Variants in ADAMTSL2 observed in about 807,000 individuals in gnomAD.
The protein encoded by ADAMTSL2 is ADAMTS-like protein 2.
In ADAMTSL2, 55 loss-of-function variants were observed where a neutral mutation model predicts 117.0. That is an observed-to-expected ratio of 0.47 (90% confidence interval 0.38 to 0.59). The LOEUF (loss-of-function observed/expected upper bound fraction) is 0.59, where lower values mean the gene tolerates loss of function less well. Ranked by LOEUF, ADAMTSL2 falls within the 20% of genes least tolerant of loss-of-function variation. The probability of loss-of-function intolerance (pLI) is 0.00; values close to 1 mark genes in which losing one functional copy is unlikely to be tolerated. For missense variants in ADAMTSL2, 1,182 were observed against 1,354.5 expected (o/e 0.87, Z 2.00); for synonymous variants, 572 against 566.4 (o/e 1.01, Z -0.14).
Position 133,574,811 on chromosome 9 carries a change from C to T in ADAMTSL2, c.2803C>T (p.His935Tyr). The stretch of plus-strand genomic sequence containing the variant: ...GGCCATCAAAGTGAACCTCTGCGGG[C>T]ACTGGTACTACAGCAAGGCGTGCTG... ...ALAIKVNLCGHWYYSKACCRS... is the reference protein window; with the variant it reads ...ALAIKVNLCGYWYYSKACCRS... The change falls in exon 19 of 19, where the codon CAC becomes TAC. Residue 935 changes from histidine (H) to tyrosine (Y), a missense_variant. His to Tyr is a moderately conservative substitution (Grantham distance 83). Around this residue, in one of 3 missense-constraint regions of ADAMTSL2, gnomAD observed 465 missense variants for 565.3 expected, o/e 0.82. Transcript: ENST00000651351. 6.2e-7 allele frequency: 1 copy of T among 1,613,708 alleles called. No individual in the cohort carries two copies. The highest frequency in any genetic ancestry group is 1.1e-5 in the South Asian group (1 of 91,088).
intron 10 of ADAMTSL2, among the ~76,000 whole-genome samples, chr9:133,555,044 C>A (rs1830573912): frequency 1.3e-5 from 2 of 152,018 alleles, no homozygotes; most frequent in Non-Finnish European, 2.9e-5. Context: ...TCAACGAGCA[C>A]CTGGTCTCAC....
Position 133,570,519 on chromosome 9 carries a change from G to A in ADAMTSL2, c.2592+12G>A. The A allele has an allele frequency of 1.9e-6, 3 of 1,608,398 alleles. No individual in the cohort carries two copies. The highest frequency in any genetic ancestry group is 1.7e-6 in the Non-Finnish European group (2 of 1,178,080). ...GCCCCTGGTCAGAGGTGAGCTCCCA[G>A]CCGGCCCCTCTGAGGTTGCCTGAGG... On this transcript the variant is annotated intron_variant, in intron 17 of 18. Coordinates refer to ENST00000651351, the MANE Select transcript of ADAMTSL2 (RefSeq NM_014694.4).
chr9:133,567,747 C>T (rs1474428753), intron 13 of ADAMTSL2, among the ~76,000 whole-genome samples: 25 of 152,332 alleles, frequency 1.6e-4, no homozygotes, highest in African/African-American at 4.3e-4. Context: ...AAGGCTGGCC[C>T]GGGGGTGGGG....
chr9:133,559,056 A>G (rs1190133141), intron 11 of ADAMTSL2, among the ~76,000 whole-genome samples: 1 of 152,088 alleles, frequency 6.6e-6, no homozygotes, highest in East Asian at 1.9e-4. Context: ...TTAGATAAAG[A>G]TGGCGGAGCG....
intron 12 of ADAMTSL2, among the ~76,000 whole-genome samples, chr9:133,563,832 A>AGG (rs1830811514): frequency 1.1e-5 from 1 of 88,964 alleles, no homozygotes; most frequent in Non-Finnish European, 2.4e-5. Flanking sequence ...AGAGAGAGAG[A>AGG]GAGAGAGAGA....
At chr9:133,569,207 G>A (rs1831047538) in intron 15 of ADAMTSL2, among the ~76,000 whole-genome samples, 1 of 152,144 alleles carries the variant, frequency 6.6e-6, no homozygotes, top group Non-Finnish European at 1.5e-5. Context: ...CTTTTTAAGT[G>A]TGCTTTTCTC....
chr9:133,553,978 A>C (rs1472996037), intron 9 of ADAMTSL2, among the ~76,000 whole-genome samples: 1 of 152,150 alleles, frequency 6.6e-6, no homozygotes, highest in Non-Finnish European at 1.5e-5. Context: ...ATTACTTAGA[A>C]TTTCTGGCAC....
At chr9:133,565,575 GGGAGA>G (rs1209323667) in intron 12 of ADAMTSL2, among the ~76,000 whole-genome samples, 1 of 152,214 alleles carries the variant, frequency 6.6e-6, no homozygotes, top group African/African-American at 2.4e-5. Context: ...CAGCTCTGGC[GGGAGA>G]GGAACCGTGA....
chr9:133,568,551 G>A (rs1831030638), intron 14 of ADAMTSL2, 52 bp from the exon 15 acceptor site: 1 of 1,559,802 alleles, frequency 6.4e-7, no homozygotes, highest in African/African-American at 1.4e-5. Flanking sequence ...GGGAGATGGA[G>A]GTGGCTACAC....
At chr9:133,560,240 G>A (rs1289314022) in intron 11 of ADAMTSL2, among the ~76,000 whole-genome samples, 1 of 152,218 alleles carries the variant, frequency 6.6e-6, no homozygotes, top group Non-Finnish European at 1.5e-5. Flanking sequence ...GCCCCTCTGG[G>A]CCCAGAGGAA....
chr9:133,567,112 G>A (rs1241311111), intron 13 of ADAMTSL2, 50 bp downstream of exon 13: 9 of 1,571,086 alleles, frequency 5.7e-6, no homozygotes, highest in Non-Finnish European at 7.7e-6. Context: ...GGGCGTGAGG[G>A]GCTCTGCCCA....
Position 133,534,797 on chromosome 9 carries a change from G to A in ADAMTSL2, c.-271G>A. The A allele has an allele frequency of 1.3e-6, 2 of 1,484,952 alleles. No homozygotes were observed. Among genetic ancestry groups the A allele is most frequent in the Non-Finnish European group, 1.8e-6 (2 of 1,112,406 alleles). The allele number at this position is 1,484,952 out of a possible 1,614,324, so 92.0% of individuals were successfully genotyped here. ...CGGGGGAGGAGGGGAAGGGGAGAGG[G>A]AGGCCGGGCCGCAGCCTCTGCACTC... On this transcript the variant is annotated 5_prime_UTR_variant, in exon 1 of 19. Coordinates refer to ENST00000651351, the MANE Select transcript of ADAMTSL2 (RefSeq NM_014694.4).
In ADAMTSL2 at chr9:133,542,735, A is replaced by G. The variant is rs911972244; in HGVS notation, c.682+1734A>G. The stretch of plus-strand genomic sequence containing the variant: ...AACGGGGCCTGAACCCAGGCAGCCT[A>G]CTCTTGGCCTGTGATCCTCCCAGCT... On this transcript the variant is annotated intron_variant, in intron 7 of 18. Transcript: ENST00000651351. Among the ~76,000 whole-genome samples the G allele has an allele frequency of 5.3e-5, 8 of 151,862 alleles. No individual in the cohort carries two copies. In the East Asian group the frequency reaches 9.7e-4, roughly 18 times the overall value.
chr9:133,561,371 C>A, intron 12 of ADAMTSL2, 76 bp downstream of exon 12: 2 of 1,364,106 alleles, frequency 1.5e-6, no homozygotes, highest in South Asian at 1.2e-5. Flanking sequence ...GCTGTGGGGC[C>A]CACCCACTAG....
intron 12 of ADAMTSL2, among the ~76,000 whole-genome samples, chr9:133,563,170 G>A (rs1482863459): frequency 2.0e-5 from 3 of 152,258 alleles, no homozygotes; most frequent in Non-Finnish European, 4.4e-5. Context: ...ACAAGGAATA[G>A]CCTCTCATGG....
At chr9:133,551,981 C>T (rs543257193) in intron 9 of ADAMTSL2, among the ~76,000 whole-genome samples, 10 of 152,156 alleles carry the variant, frequency 6.6e-5, no homozygotes, top group African/African-American at 1.9e-4. Flanking sequence ...AGGCGCCCAC[C>T]ACCACACCCA....
At chr9:133,564,810 A>G (rs948960258) in intron 12 of ADAMTSL2, among the ~76,000 whole-genome samples, 1 of 151,922 alleles carries the variant, frequency 6.6e-6, no homozygotes, top group African/African-American at 2.4e-5. Flanking sequence ...GGCAGAAATA[A>G]CAGAGTCAGG....
Position 133,538,335 on chromosome 9 carries a change from C to T in ADAMTSL2, c.234-14C>T. 2 of 1,613,408 alleles carry T rather than the reference C, an allele frequency of 1.2e-6. No homozygotes were observed. The highest frequency in any genetic ancestry group is 1.7e-6 in the Non-Finnish European group (2 of 1,180,006). ...CTCTGCAGCCCTCACTCCGAGCCTG[C>T]ATCTTTCTGCCAGGAGGAAGTCCGT... On this transcript the variant is annotated splice_polypyrimidine_tract_variant and intron_variant, in intron 3 of 18. Transcript: ENST00000651351.
chr9:133,575,253 C>T lies in ADAMTSL2; in HGVS notation c.*389C>T. On this transcript the variant is annotated 3_prime_UTR_variant, in exon 19 of 19. Transcript: ENST00000651351. ...CGCCCTCTCTGGGTGGCAGGGCCTT[C>T]TGAAGGAAACTTGCAGGCGAGCCCA... 1.2e-5 allele frequency: 3 copies of T among 254,180 alleles called. No individual in the cohort carries two copies. The South Asian group carries it at 1.5e-4, about 13-fold the overall frequency. The allele number at this position is 254,180 out of a possible 1,614,324, so 15.7% of individuals were successfully genotyped here.
Sources: allele counts gnomAD v4.1 joint callset (sites outside exome capture counted in the v4.1 genomes callset), GRCh38; gene constraint gnomAD v4.1.1; regional missense constraint gnomAD v4.1.1; transcripts MANE v1.5; gene names NCBI Gene and HGNC (gene_info 2026-07-23, HGNC 2026-07-21).